CDH8: variants seen among roughly 807,000 people sequenced by gnomAD.
The protein encoded by CDH8 is cadherin 8, also known as cadherin-8.
CDH8 carries 17 observed loss-of-function variants against 68.1 expected under a neutral mutation model. The observed-to-expected ratio is 0.25, with a 90% CI of 0.17 to 0.37. CDH8 has a LOEUF of 0.37. Ranked by LOEUF, CDH8 falls within the 10% of genes least tolerant of loss-of-function variation. CDH8 has a pLI of 1.00. For missense variants in CDH8, 763 were observed against 999.3 expected, an observed-to-expected ratio of 0.76 and a Z score of 3.19; for synonymous variants, 372 against 365.1, an observed-to-expected ratio of 1.02 and a Z score of -0.21.
At chr16:61,865,582 A>G (rs908215155) in intron 3 of CDH8, among the ~76,000 whole-genome samples, 13 of 152,164 alleles carry the variant, frequency 8.5e-5, no homozygotes, top group Admixed American at 2.0e-4. Context: ...TAGCCTACCC[A>G]CTGCTTTTGC....
At chr16:61,666,178 CTGTGTG>C (rs370163800) in intron 10 of CDH8, among the ~76,000 whole-genome samples, 3 of 144,096 alleles carry the variant, frequency 2.1e-5, no homozygotes, top group African/African-American at 7.8e-5. Context: ...AGCACATACT[CTGTGTG>C]TGTGTGTGTG....
At position 61,938,759 on chromosome 16, in the gene CDH8, G is replaced by A. The variant is rs377717461; in HGVS notation, c.253-37286C>T. On this transcript the variant is annotated intron_variant, in intron 2 of 11. Coordinates refer to ENST00000577390, the MANE Select transcript of CDH8 (RefSeq NM_001796.5). The stretch of plus-strand genomic sequence containing the variant: ...TGGAAAAGAGGGTGTACTGAATTGA[G>A]GTTAAACATGCAGTAGGCTGCCTGG... Among the ~76,000 whole-genome samples, 9 of 152,254 alleles carry A rather than the reference G, an allele frequency of 5.9e-5. No homozygotes were observed. In the East Asian group the frequency reaches 1.2e-3, roughly 20 times the overall value.
chr16:62,018,111 T>C (rs1001203920), intron 2 of CDH8, among the ~76,000 whole-genome samples: 1 of 152,210 alleles, frequency 6.6e-6, no homozygotes, highest in Non-Finnish European at 1.5e-5. Context: ...GCATAATCCT[T>C]GAAAAACTTC....
intron 1 of CDH8, among the ~76,000 whole-genome samples, chr16:62,034,436 G>C (rs1228211175): frequency 6.6e-6 from 1 of 152,128 alleles, no homozygotes; most frequent in Non-Finnish European, 1.5e-5. Context: ...AATAAAGCCT[G>C]AGGTGACAGC....
intron 2 of CDH8, among the ~76,000 whole-genome samples, chr16:61,974,713 G>T (rs1367235456): frequency 6.6e-6 from 1 of 152,084 alleles, no homozygotes; most frequent in Non-Finnish European, 1.5e-5. Flanking sequence ...GTCTTAAGTG[G>T]TACCGTTTTC....
intron 10 of CDH8, among the ~76,000 whole-genome samples, chr16:61,704,642 C>T (rs1199065417): frequency 6.6e-6 from 1 of 152,152 alleles, no homozygotes; most frequent in Non-Finnish European, 1.5e-5. Context: ...TGCTTTTGTT[C>T]CAACATTTTC....
At chr16:61,886,994 C>T (rs1250075195) in intron 3 of CDH8, among the ~76,000 whole-genome samples, 1 of 152,232 alleles carries the variant, frequency 6.6e-6, no homozygotes, top group Non-Finnish European at 1.5e-5. Context: ...GTTGGACATT[C>T]ACTGCAGACT....
At chr16:61,985,546 G>A (rs1965611101) in intron 2 of CDH8, among the ~76,000 whole-genome samples, 1 of 152,202 alleles carries the variant, frequency 6.6e-6, no homozygotes, top group Non-Finnish European at 1.5e-5. Context: ...AGGCTGGAGT[G>A]CAATGGCATG....
At chr16:61,959,565 T>TAC (rs1229360926) in intron 2 of CDH8, among the ~76,000 whole-genome samples, 37 of 151,036 alleles carry the variant, frequency 2.4e-4, no homozygotes, top group Admixed American at 2.2e-3. Flanking sequence ...TGTGTATATA[T>TAC]ATATGTATGT....
rs761528877 is a variant in CDH8 at position 61,960,100 on chromosome 16, TAC to T, written c.253-58629_253-58628del. Among the ~76,000 whole-genome samples the T allele has an allele frequency of 6.0e-5, 7 of 116,540 alleles. 1 individual carries two copies. The highest frequency in any genetic ancestry group is 1.2e-4 in the Non-Finnish European group (7 of 58,466). 76.5% of individuals were successfully genotyped at this position (116,540 alleles called of 152,430 possible). On this transcript the variant is annotated intron_variant, in intron 2 of 11. Coordinates refer to ENST00000577390, the MANE Select transcript of CDH8 (RefSeq NM_001796.5). ...ATATATACATATATGTGTGTGTGTA[TAC>T]ACATACATATATACATATGTGTGTG...
chr16:61,851,538 T>A (rs1962937443), intron 4 of CDH8, among the ~76,000 whole-genome samples: 1 of 152,058 alleles, frequency 6.6e-6, no homozygotes, highest in Non-Finnish European at 1.5e-5. Context: ...ATGGACTGCA[T>A]CTGTTTTCTC....
intron 7 of CDH8, among the ~76,000 whole-genome samples, chr16:61,811,452 AATGCAAAATGGTGG>A (rs1215432027): frequency 6.6e-6 from 1 of 152,160 alleles, no homozygotes; most frequent in African/African-American, 2.4e-5. Flanking sequence ...TGTTGGTGGG[AATGCAAAATGGTGG>A]AGCTGTTATG....
At chr16:61,723,628 G>T (rs1375302647) in intron 9 of CDH8, among the ~76,000 whole-genome samples, 1 of 150,620 alleles carries the variant, frequency 6.6e-6, no homozygotes, top group Non-Finnish European at 1.5e-5. Context: ...TGATTATTGG[G>T]GTGTTGTATA....
At chr16:61,817,452 C>G (rs374093874) in intron 7 of CDH8, 27 bp downstream of exon 7, 5 of 1,611,294 alleles carry the variant, frequency 3.1e-6, no homozygotes, top group Non-Finnish European at 3.4e-6. Flanking sequence ...TTTGCAGTAG[C>G]CAGTATTCCT....
chr16:61,895,636 C>G (rs1456132349), intron 3 of CDH8, among the ~76,000 whole-genome samples: 1 of 152,184 alleles, frequency 6.6e-6, no homozygotes, highest in African/African-American at 2.4e-5. Context: ...TCTTTCTCAT[C>G]CCTTTATTTC....
At chr16:61,794,725 G>A (rs997821511) in intron 7 of CDH8, among the ~76,000 whole-genome samples, 7 of 152,072 alleles carry the variant, frequency 4.6e-5, no homozygotes, top group East Asian at 1.9e-4. Flanking sequence ...AATAGGAACC[G>A]ATCTCTGCAT....
intron 2 of CDH8, among the ~76,000 whole-genome samples, chr16:62,018,053 T>C (rs150822341): frequency 3.0e-4 from 46 of 152,340 alleles, no homozygotes; most frequent in Non-Finnish European, 5.6e-4. Flanking sequence ...GCAGGCACTA[T>C]GCTTCTATTA....
chr16:61,935,511 CT>C (rs1187972409), intron 2 of CDH8, among the ~76,000 whole-genome samples: 1 of 152,144 alleles, frequency 6.6e-6, no homozygotes, highest in East Asian at 1.9e-4. Flanking sequence ...ATGTCCTCAT[CT>C]TCATCCCTAT....
chr16:61,717,415 C>A (rs1238813941), intron 9 of CDH8, among the ~76,000 whole-genome samples: 1 of 151,418 alleles, frequency 6.6e-6, no homozygotes, highest in South Asian at 2.1e-4. Context: ...AACTAGAAAA[C>A]AATTGTGTGC....
Sources: allele counts gnomAD v4.1 joint callset (sites outside exome capture counted in the v4.1 genomes callset), GRCh38; gene constraint gnomAD v4.1.1; transcripts MANE v1.5; gene names NCBI Gene and HGNC (gene_info 2026-07-23, HGNC 2026-07-21).